RTN1: variants seen among roughly 807,000 people sequenced by gnomAD.
RTN1 encodes the protein reticulon-1.
RTN1 carries 25 observed loss-of-function variants against 65.5 expected under a neutral mutation model. The ratio of observed to expected loss-of-function variants is 0.38; its 90% CI spans 0.28 to 0.53. RTN1 has a LOEUF of 0.53. RTN1 is among the 20% of genes least tolerant of loss of function. RTN1 has a pLI of 0.79. For missense variants in RTN1, 983 were observed against 1,025.4 expected, an observed-to-expected ratio of 0.96 and a Z score of 0.57; for synonymous variants, 471 against 447.6, an observed-to-expected ratio of 1.05 and a Z score of -0.66.
At chr14:59,788,511 T>G (rs750695455) in intron 1 of RTN1, among the ~76,000 whole-genome samples, 1 of 152,210 alleles carries the variant, frequency 6.6e-6, no homozygotes, top group Non-Finnish European at 1.5e-5. Flanking sequence ...CCACTTGTAT[T>G]TATTTTTCCA....
intron 3 of RTN1, among the ~76,000 whole-genome samples, chr14:59,675,443 T>TGG (rs1566681575): frequency 5.7e-4 from 73 of 128,414 alleles, no homozygotes; most frequent in South Asian, 2.7e-3. Context: ...CCTATAGGAC[T>TGG]TGGGGGGGGG....
chr14:59,749,360 ATATATATATCTATATATC>A (rs1885339893), intron 1 of RTN1, among the ~76,000 whole-genome samples: 1 of 26,886 alleles, frequency 3.7e-5, no homozygotes, highest in African/African-American at 2.1e-4. Context: ...ATATATATCT[ATATATATATCTATATATC>A]TATATCTATA....
intron 1 of RTN1, among the ~76,000 whole-genome samples, chr14:59,850,888 A>G (rs1887493361): frequency 6.6e-6 from 1 of 152,208 alleles, no homozygotes; most frequent in Non-Finnish European, 1.5e-5. Context: ...TTCTCTTGCA[A>G]AAGTTTCTTT....
intron 1 of RTN1, among the ~76,000 whole-genome samples, chr14:59,838,771 C>A (rs1191590423): frequency 6.6e-6 from 1 of 152,002 alleles, no homozygotes; most frequent in African/African-American, 2.4e-5. Flanking sequence ...AGAGTTAATA[C>A]TACGTGAAAA....
chr14:59,810,582 C>A (rs900824394), intron 1 of RTN1, among the ~76,000 whole-genome samples: 1 of 152,054 alleles, frequency 6.6e-6, no homozygotes, highest in East Asian at 1.9e-4. Flanking sequence ...AGCTCATGGC[C>A]TTTTGGGAGA....
In RTN1 at chr14:59,750,030, T is replaced by C. The variant is rs1308096222; in HGVS notation, c.242-3549A>G. Among the ~76,000 whole-genome samples, 224 of 67,728 alleles carry C rather than the reference T, an allele frequency of 3.3e-3. 4 individuals carry two copies. Among genetic ancestry groups the C allele is most frequent in the African/African-American group, 0.015 (219 of 14,490 alleles). The allele number at this position is 67,728 out of a possible 152,430, so 44.4% of individuals were successfully genotyped here. ...TACATATATATTATATATTATATTATATACATATATTATATATTATATTAT... is the reference window on the plus strand; with the variant it reads ...TACATATATATTATATATTATATTACATACATATATTATATATTATATTAT... On this transcript the variant is annotated intron_variant, in intron 1 of 8. Transcript: ENST00000267484.
At chr14:59,637,163 T>C (rs1882683039) in intron 3 of RTN1, among the ~76,000 whole-genome samples, 2 of 152,336 alleles carry the variant, frequency 1.3e-5, no homozygotes, top group Middle Eastern at 3.4e-3. Flanking sequence ...ACTAAGTTTA[T>C]GTAATATTCT....
chr14:59,714,605 T>C (rs904400866), intron 3 of RTN1, among the ~76,000 whole-genome samples: 5 of 152,176 alleles, frequency 3.3e-5, no homozygotes, highest in African/African-American at 1.2e-4. Context: ...TCCACTCACA[T>C]TCTATTGGTA....
chr14:59,852,707 C>T (rs944518845), intron 1 of RTN1, among the ~76,000 whole-genome samples: 5 of 152,196 alleles, frequency 3.3e-5, no homozygotes, highest in African/African-American at 1.2e-4. Context: ...CAAATCCTCT[C>T]TCTTTCTCTC....
At chr14:59,686,068 G>A (rs971583758) in intron 3 of RTN1, among the ~76,000 whole-genome samples, 20 of 152,128 alleles carry the variant, frequency 1.3e-4, no homozygotes, top group Admixed American at 1.2e-3. Flanking sequence ...CACACAGCGG[G>A]GAATGAACAG....
Position 59,820,210 on chromosome 14 carries a change from C to T in RTN1, c.241+50180G>A, listed in dbSNP as rs546854936. ...TGTCTTCTTTTGAGAAGTGTCTATT[C>T]ATGTCCTTTGCCTACTTTTTAATGG... On this transcript the variant is annotated intron_variant, in intron 1 of 8. Coordinates refer to ENST00000267484, the MANE Select transcript of RTN1 (RefSeq NM_021136.3). Among the ~76,000 whole-genome samples the T allele has an allele frequency of 2.6e-5, 4 of 151,294 alleles. No homozygotes were observed. The South Asian group carries it at 8.3e-4, about 32-fold the overall frequency.
Position 59,790,284 on chromosome 14 carries a change from C to T in RTN1, c.242-43803G>A, listed in dbSNP as rs1886325217. On this transcript the variant is annotated intron_variant, in intron 1 of 8. Transcript: ENST00000267484. The surrounding 1 kb of genome is among the most constrained non-coding windows in gnomAD (Gnocchi z 4.1). ...TATGTATGTCACACACACACACAGA[C>T]ACACACACACACCTCTAGGAAAAAA... Among the ~76,000 whole-genome samples the T allele has an allele frequency of 6.6e-6, 1 of 151,702 alleles. No individual in the cohort carries two copies. The highest frequency in any genetic ancestry group is 1.5e-5 in the Non-Finnish European group (1 of 67,878).
rs919514053 is a variant in RTN1, at chr14:59,859,307, T to C, written c.241+11083A>G. Among the ~76,000 whole-genome samples, 33 of 152,306 alleles carry C rather than the reference T, an allele frequency of 2.2e-4. No homozygotes were observed. The East Asian group carries it at 5.0e-3, about 23-fold the overall frequency. ...CTGTTCTCGTGATAGCGAGATCTGA[T>C]GGTTTTATAAAAGGGAGTTTCCCTG... On this transcript the variant is annotated intron_variant, in intron 1 of 8. Transcript: ENST00000267484.
In RTN1 at chr14:59,766,933, C is replaced by A. The variant is rs1885860779; in HGVS notation, c.242-20452G>T. On this transcript the variant is annotated intron_variant, in intron 1 of 8. Coordinates refer to ENST00000267484, the MANE Select transcript of RTN1 (RefSeq NM_021136.3). The surrounding 1 kb of genome is among the most constrained non-coding windows in gnomAD (Gnocchi z 4.4). The stretch of plus-strand genomic sequence containing the variant: ...CCATCCCAGTATATCGGGCACTGAG[C>A]ACCTACTATGTGGTAGGTACTTATT... Among the ~76,000 whole-genome samples the A allele has an allele frequency of 6.6e-6, 1 of 152,180 alleles. No homozygotes were observed. The highest frequency in any genetic ancestry group is 1.5e-5 in the Non-Finnish European group (1 of 68,036).
chr14:59,748,265 T>C (rs1708888290), intron 1 of RTN1, among the ~76,000 whole-genome samples: 1 of 149,118 alleles, frequency 6.7e-6, no homozygotes, highest in Admixed American at 6.8e-5. Flanking sequence ...CAAACGAACT[T>C]AACTTTTGTC....
chr14:59,745,259 A>G lies in RTN1; in HGVS notation c.1015+449T>C, dbSNP rs529541067. Among the ~76,000 whole-genome samples, 3 of 152,286 alleles carry G rather than the reference A, an allele frequency of 2.0e-5. No homozygotes were observed. The South Asian group carries it at 6.2e-4, about 32-fold the overall frequency. On this transcript the variant is annotated intron_variant, in intron 2 of 8. Coordinates refer to ENST00000267484, the MANE Select transcript of RTN1 (RefSeq NM_021136.3). The stretch of plus-strand genomic sequence containing the variant: ...GGACTTCCCAGCTTTCAGAACTGTT[A>G]AGAAATAAATTTTGTTTCTTATACA...
chr14:59,734,824 C>G (rs1486868724), intron 2 of RTN1, among the ~76,000 whole-genome samples: 2 of 152,024 alleles, frequency 1.3e-5, no homozygotes, highest in Non-Finnish European at 2.9e-5. Context: ...CAGAATATTA[C>G]CCAGGAAAAC....
chr14:59,793,821 T>A (rs1886394465), intron 1 of RTN1, among the ~76,000 whole-genome samples: 1 of 152,078 alleles, frequency 6.6e-6, no homozygotes, highest in Non-Finnish European at 1.5e-5. Flanking sequence ...AATCCCCAAC[T>A]CATATATACA....
rs773159373 is a variant in RTN1, at chr14:59,726,950, C to G, written c.1734G>C (p.Pro578=). 1 of 1,613,010 alleles carries G rather than the reference C, an allele frequency of 6.2e-7. No homozygotes were observed. The highest frequency in any genetic ancestry group is 2.2e-5 in the East Asian group (1 of 44,846). ...KGPGPLGPGA[P]PPLLFLNKQK... The stretch of plus-strand genomic sequence containing the variant: ...GCTTATTGAGAAACAGCAGTGGGGG[C>G]GGGGCGCCAGGACCTAGAGGCCCAG... The change falls in exon 3 of 9, where the codon CCG becomes CCC. Residue 578 remains proline (P), a synonymous_variant. Transcript: ENST00000267484.
Sources: gnomAD v4.1 joint callset for allele counts (sites outside exome capture counted in the v4.1 genomes callset) on GRCh38, gnomAD v4.1.1 for gene constraint, Gnocchi (gnomAD v3.1) non-coding constraint, MANE v1.5 for transcripts, NCBI Gene and HGNC (gene_info 2026-07-23, HGNC 2026-07-21) for gene names.